Variants in DCTN4 observed in about 807,000 individuals in gnomAD.
The protein encoded by DCTN4 is dynactin 4 (p62).
DCTN4 carries 23 observed loss-of-function variants against 62.7 expected under a neutral mutation model. The ratio of observed to expected loss-of-function variants is 0.37; its 90% CI spans 0.26 to 0.52. The LOEUF (loss-of-function observed/expected upper bound fraction) is 0.52, where lower values mean the gene tolerates loss of function less well. DCTN4 is among the 20% of genes least tolerant of loss of function. The pLI, the probability that DCTN4 is intolerant of heterozygous loss-of-function variation, is 0.92. For missense variants in DCTN4, 514 were observed against 580.4 expected (o/e 0.89, Z 1.18); for synonymous variants, 199 against 202.1 (o/e 0.98, Z 0.13).
intron 5 of DCTN4, 57 bp downstream of exon 5, chr5:150,733,311 G>C: frequency 8.0e-7 from 1 of 1,244,816 alleles, no homozygotes; most frequent in Non-Finnish European, 1.2e-6. Context: ...TTTCTGAAAT[G>C]ATCACTGTTC....
At chr5:150,739,117 G>GT (rs1425033356) in intron 4 of DCTN4, among the ~76,000 whole-genome samples, 1 of 151,420 alleles carries the variant, frequency 6.6e-6, no homozygotes, top group Non-Finnish European at 1.5e-5. Flanking sequence ...AGAGGCAGAA[G>GT]TTGCAGTGAG....
Position 150,710,864 on chromosome 5 carries a change from C to T in DCTN4, c.*285G>A, listed in dbSNP as rs1340397898. On this transcript the variant is annotated 3_prime_UTR_variant, in exon 13 of 13. Transcript: ENST00000447998. ...GTAAATACAATGCCATTCCAAGGAA[C>T]ACCCATCCCCTTTCCTAGGATGGAA... 4.7e-6 allele frequency: 2 copies of T among 421,538 alleles called. No individual in the cohort carries two copies. Among genetic ancestry groups the T allele is most frequent in the African/African-American group, 2.0e-5 (1 of 50,064 alleles). The allele number at this position is 421,538 out of a possible 1,614,324, so 26.1% of individuals were successfully genotyped here.
chr5:150,750,473 T>TTAC (rs1752633694), intron 3 of DCTN4, among the ~76,000 whole-genome samples: 1 of 152,198 alleles, frequency 6.6e-6, no homozygotes, highest in Non-Finnish European at 1.5e-5. Context: ...AGAAAAGTCC[T>TTAC]TACACTTGTG....
chr5:150,713,932 C>CA (rs1759664554), intron 12 of DCTN4, among the ~76,000 whole-genome samples: 1 of 151,782 alleles, frequency 6.6e-6, no homozygotes, highest in Non-Finnish European at 1.5e-5. Context: ...GCCTGGGCAA[C>CA]ATGGCAAAAC....
intron 12 of DCTN4, among the ~76,000 whole-genome samples, chr5:150,712,321 G>C (rs905891174): frequency 2.6e-5 from 4 of 152,092 alleles, no homozygotes; most frequent in African/African-American, 7.2e-5. Flanking sequence ...GTAGAGATGG[G>C]GTTTCACCAC....
At chr5:150,755,461 G>T (rs1167940250) in intron 2 of DCTN4, 2 of 453,092 alleles carry the variant, frequency 4.4e-6, no homozygotes, top group Non-Finnish European at 8.9e-6. Context: ...AGATAATCAA[G>T]GTTAACACCA....
intron 8 of DCTN4, among the ~76,000 whole-genome samples, chr5:150,729,762 C>T (rs1760291242): frequency 6.6e-6 from 1 of 152,096 alleles, no homozygotes; most frequent in South Asian, 2.1e-4. Flanking sequence ...GCTGGGACTA[C>T]AAGTGCATGT....
At position 150,731,452 on chromosome 5, in the gene DCTN4, C is replaced by A. The variant is rs1760366239; in HGVS notation, c.575G>T (p.Arg192Leu). 1 of 1,613,884 alleles carries A rather than the reference C, an allele frequency of 6.2e-7. No individual in the cohort carries two copies. Among genetic ancestry groups the A allele is most frequent in the Non-Finnish European group, 8.5e-7 (1 of 1,180,012 alleles). ...AAGGGTACTGATGGATGCACCAGCT[C>A]GTGGTCGCTGAAGCCTGGTTCCAAG... is the stretch of plus-strand genomic sequence containing the variant. ...YGLGTRLQRP[R>L]AGASISTLAG... is the part of the protein sequence containing the mutation. The change falls in exon 6 of 13, where the codon CGA becomes CTA. Residue 192 changes from arginine to leucine, a missense_variant. Coordinates refer to ENST00000447998, the MANE Select transcript of DCTN4 (RefSeq NM_016221.4).
At chr5:150,729,756 G>A (rs1275190158) in intron 8 of DCTN4, among the ~76,000 whole-genome samples, 1 of 151,756 alleles carries the variant, frequency 6.6e-6, no homozygotes, top group Non-Finnish European at 1.5e-5. Context: ...AGAGTAGCTG[G>A]GACTACAAGT....
At chr5:150,758,666 A>G (rs535591604) in intron 1 of DCTN4, 193 bp downstream of exon 1, 472 of 1,272,850 alleles carry the variant, frequency 3.7e-4, no homozygotes, top group Non-Finnish European at 4.8e-4. Flanking sequence ...AGATCCGCTC[A>G]GTCCCACCCG....
chr5:150,737,085 C>G (rs552840518), intron 4 of DCTN4, among the ~76,000 whole-genome samples: 3 of 152,072 alleles, frequency 2.0e-5, no homozygotes, highest in Admixed American at 6.5e-5. Context: ...AATATATATG[C>G]ACCTAACACT....
chr5:150,753,740 T>A, intron 2 of DCTN4, 83 bp from the exon 3 acceptor site: 1 of 1,401,196 alleles, frequency 7.1e-7, no homozygotes, highest in South Asian at 1.4e-5. Context: ...GACAAGTGTC[T>A]CTCAAGAAAA....
At chr5:150,731,992 T>C in intron 5 of DCTN4, 1 of 1,171,080 alleles carries the variant, frequency 8.5e-7, no homozygotes, top group African/African-American at 1.5e-5. Context: ...GCAGGCAGGT[T>C]ATATGGGAAA....
At chr5:150,742,813 T>C (rs1760815261) in intron 3 of DCTN4, 1 of 152,998 alleles carries the variant, frequency 6.5e-6, no homozygotes, top group African/African-American at 2.4e-5. Context: ...ATTTACAAAA[T>C]TTACCTTGAA....
At chr5:150,716,245 T>C (rs183743901) in intron 11 of DCTN4, among the ~76,000 whole-genome samples, 67 of 152,304 alleles carry the variant, frequency 4.4e-4, no homozygotes, top group Admixed American at 9.2e-4. Flanking sequence ...AAATGGGTAC[T>C]TGCCATATTA....
chr5:150,732,120 GTGCTT>G (rs1217754962), intron 5 of DCTN4, among the ~76,000 whole-genome samples: 4 of 152,130 alleles, frequency 2.6e-5, no homozygotes, highest in Non-Finnish European at 5.9e-5. Context: ...GCAAATGTAG[GTGCTT>G]TGCAAGTGTT....
intron 2 of DCTN4, among the ~76,000 whole-genome samples, chr5:150,754,122 AT>A (rs1415313701): frequency 6.6e-6 from 1 of 152,228 alleles, no homozygotes; most frequent in African/African-American, 2.4e-5. Flanking sequence ...TCAAACTGGA[AT>A]GGTTCAGAAG....
At chr5:150,719,937 CAT>C (rs34035603) in intron 9 of DCTN4, among the ~76,000 whole-genome samples, 167 bp from the exon 10 acceptor site, 4,770 of 152,260 alleles carry the variant, frequency 0.031, 88 homozygotes, top group Middle Eastern at 0.054. Flanking sequence ...TAAGAAAAGA[CAT>C]AAGACCAAAC....
At chr5:150,757,503 A>AC (rs1277182488) in intron 1 of DCTN4, among the ~76,000 whole-genome samples, 5 of 152,164 alleles carry the variant, frequency 3.3e-5, no homozygotes. Flanking sequence ...GCTGTCACAG[A>AC]CTGGATGTCC....
Sources: allele counts gnomAD v4.1 joint callset (sites outside exome capture counted in the v4.1 genomes callset), GRCh38; gene constraint gnomAD v4.1.1; transcripts MANE v1.5; gene names NCBI Gene and HGNC (gene_info 2026-07-23, HGNC 2026-07-21).